CAMTA1: variants seen among roughly 807,000 people sequenced by gnomAD.
CAMTA1 encodes calmodulin-binding transcription activator 1.
CAMTA1 carries 27 observed loss-of-function variants against 170.9 expected under a neutral mutation model. The observed-to-expected ratio is 0.16, with a 90% CI of 0.12 to 0.22. The LOEUF is 0.22. CAMTA1 is among the 10% of genes least tolerant of loss of function. The pLI, the probability that CAMTA1 is intolerant of heterozygous loss-of-function variation, is 1.00. For synonymous variants in CAMTA1, 833 were observed against 891.5 expected, an observed-to-expected ratio of 0.93 and a Z score of 1.17; for missense variants, 1,619 against 2,217.2, an observed-to-expected ratio of 0.73 and a Z score of 5.42.
At chr1:7,747,540 A>C (rs769510192) in intron 18 of CAMTA1, among the ~76,000 whole-genome samples, 170 bp from the exon 19 acceptor site, 22 of 152,210 alleles carry the variant, frequency 1.4e-4, no homozygotes, top group Admixed American at 3.3e-4. Flanking sequence ...GGATAGTCTA[A>C]GGTTTATTCT....
intron 5 of CAMTA1, among the ~76,000 whole-genome samples, chr1:7,452,062 C>G (rs776158146): frequency 6.6e-6 from 1 of 152,216 alleles, no homozygotes; most frequent in Non-Finnish European, 1.5e-5. Flanking sequence ...AACACCAGGC[C>G]GGGGGGCTAA....
rs1000445870 is a variant in CAMTA1, at chr1:7,300,762, C to T, written c.438+51136C>T. 1.2e-4 allele frequency among the ~76,000 whole-genome samples: 19 copies of T among 152,118 alleles called. No homozygotes were observed. The highest frequency in any genetic ancestry group is 2.1e-4 in the South Asian group (1 of 4,818). On this transcript the variant is annotated intron_variant, in intron 5 of 22. Transcript: ENST00000303635. This position sits in a 1 kb window ranked among gnomAD's most constrained non-coding sequence, Gnocchi z 4.1. ...ATTGGCAGGCAATGAGAGGAAGTGTCGTGTTGTCCGTTGGTGACATTTGCA... is the reference window on the plus strand; with the variant it reads ...ATTGGCAGGCAATGAGAGGAAGTGTTGTGTTGTCCGTTGGTGACATTTGCA...
intron 11 of CAMTA1, chr1:7,698,331 A>G (rs934185186): frequency 6.6e-6 from 1 of 152,252 alleles, no homozygotes; most frequent in Non-Finnish European, 1.5e-5. Context: ...AGGTTTACGA[A>G]TTTGTGTTGG....
chr1:6,871,835 A>G (rs1571212526), intron 3 of CAMTA1: 2 of 1,479,358 alleles, frequency 1.4e-6, no homozygotes, highest in East Asian at 5.1e-5. Context: ...GACCTGCATT[A>G]CCTTGGTAAC....
At chr1:6,843,913 G>A (rs1429560836) in intron 3 of CAMTA1, among the ~76,000 whole-genome samples, 1 of 152,168 alleles carries the variant, frequency 6.6e-6, no homozygotes, top group Non-Finnish European at 1.5e-5. Flanking sequence ...ACAGAGCAGG[G>A]GGAGCTTTCA....
At chr1:7,654,772 AAC>A (rs1375090770) in intron 7 of CAMTA1, among the ~76,000 whole-genome samples, 2 of 108,464 alleles carry the variant, frequency 1.8e-5, no homozygotes, top group Non-Finnish European at 3.8e-5. Flanking sequence ...CACCCACCTA[AAC>A]ACACACCTAT....
chr1:6,888,203 G>A lies in CAMTA1; in HGVS notation c.234+62993G>A, dbSNP rs1022948769. The A allele has an allele frequency of 6.1e-6, 6 of 986,180 alleles. No homozygotes were observed. The African/African-American group carries it at 8.7e-5, about 14-fold the overall frequency. 61.1% of individuals were successfully genotyped at this position (986,180 alleles called of 1,614,324 possible). A position where few individuals can be genotyped will look rare whatever the true frequency, so the allele number is the denominator to read the frequency against. ...TCTAAATAAACGCTGTTGAACGAAT[G>A]TGTGGGTCACTTGCGTCGCATCCTT... On this transcript the variant is annotated intron_variant, in intron 3 of 22. Coordinates refer to ENST00000303635, the MANE Select transcript of CAMTA1 (RefSeq NM_015215.4).
chr1:6,845,907 C>T (rs1273231154), intron 3 of CAMTA1, among the ~76,000 whole-genome samples: 1 of 152,186 alleles, frequency 6.6e-6, no homozygotes, highest in Non-Finnish European at 1.5e-5. Context: ...TTAATGGACT[C>T]ACAATTCCAC....
intron 6 of CAMTA1, among the ~76,000 whole-genome samples, chr1:7,555,682 G>A (rs930060464): frequency 7.9e-5 from 12 of 152,136 alleles, no homozygotes; most frequent in Admixed American, 7.9e-4. Context: ...CACATTTGCA[G>A]CCTGGTGTCC....
At chr1:7,498,271 T>G (rs928504299) in intron 6 of CAMTA1, among the ~76,000 whole-genome samples, 22 of 146,854 alleles carry the variant, frequency 1.5e-4, no homozygotes, top group African/African-American at 5.3e-4. Context: ...AGAGAGCGTG[T>G]GTGAGTGTGA....
rs138571815 is a variant in CAMTA1 at position 7,183,871 on chromosome 1, A to G, written c.303-65620A>G. Among the ~76,000 whole-genome samples the G allele has an allele frequency of 2.2e-3, 342 of 152,328 alleles. 8 individuals carry two copies. The East Asian group carries it at 0.037, about 16-fold the overall frequency. Reference sequence around the variant, plus strand: ...ATAGTGAGTAAATTTATGATATGAAAATTGTACCTAAACAGAGCTGTTAAA... The same window carrying G: ...ATAGTGAGTAAATTTATGATATGAAGATTGTACCTAAACAGAGCTGTTAAA... On this transcript the variant is annotated intron_variant, in intron 4 of 22. Coordinates refer to ENST00000303635, the MANE Select transcript of CAMTA1 (RefSeq NM_015215.4).
At chr1:7,367,488 C>T (rs1425110975) in intron 5 of CAMTA1, among the ~76,000 whole-genome samples, 2 of 152,246 alleles carry the variant, frequency 1.3e-5, no homozygotes, top group Admixed American at 6.5e-5. Flanking sequence ...AGCTGAACAC[C>T]TTGCAGCTGA....
chr1:7,303,920 G>A (rs1174043571), intron 5 of CAMTA1, among the ~76,000 whole-genome samples: 1 of 152,188 alleles, frequency 6.6e-6, no homozygotes, highest in African/African-American at 2.4e-5. Flanking sequence ...ACCTGGACAA[G>A]TCCTAAAAGC....
At chr1:7,431,441 C>T (rs2092147633) in intron 5 of CAMTA1, among the ~76,000 whole-genome samples, 1 of 152,344 alleles carries the variant, frequency 6.6e-6, no homozygotes, top group African/African-American at 2.4e-5. Flanking sequence ...CCCGGGAGTA[C>T]AGGTCCTACT....
At chr1:7,567,907 T>TA (rs2095062686) in intron 6 of CAMTA1, among the ~76,000 whole-genome samples, 1 of 152,214 alleles carries the variant, frequency 6.6e-6, no homozygotes, top group Non-Finnish European at 1.5e-5. Context: ...GTATATAACC[T>TA]AAACTTTCAT....
At chr1:7,606,071 G>A (rs555170376) in intron 6 of CAMTA1, among the ~76,000 whole-genome samples, 9 of 152,234 alleles carry the variant, frequency 5.9e-5, no homozygotes, top group South Asian at 2.1e-4. Context: ...CAAGGCCCCT[G>A]AGCAGAGAAT....
intron 3 of CAMTA1, among the ~76,000 whole-genome samples, chr1:6,954,601 T>A (rs1315470346): frequency 6.6e-6 from 1 of 152,008 alleles, no homozygotes; most frequent in Non-Finnish European, 1.5e-5. Context: ...TGGTGGGGAG[T>A]CTGCCAATGA....
intron 5 of CAMTA1, among the ~76,000 whole-genome samples, chr1:7,272,692 CAAAAAAAA>C (rs371588178): frequency 0.026 from 1,016 of 38,852 alleles, 10 homozygotes; most frequent in South Asian, 0.057. Flanking sequence ...TAAACACATG[CAAAAAAAA>C]AAAAAAAAAA....
At chr1:7,023,695 A>G (rs1263313279) in intron 3 of CAMTA1, among the ~76,000 whole-genome samples, 3 of 152,198 alleles carry the variant, frequency 2.0e-5, no homozygotes, top group Admixed American at 6.5e-5. Flanking sequence ...CTTCTAATAG[A>G]TGGGGATAAA....
Sources: gnomAD v4.1 joint callset for allele counts (sites outside exome capture counted in the v4.1 genomes callset) on GRCh38, gnomAD v4.1.1 for gene constraint, Gnocchi (gnomAD v3.1) non-coding constraint, MANE v1.5 for transcripts, NCBI Gene and HGNC (gene_info 2026-07-23, HGNC 2026-07-21) for gene names.